The following ACYP2 variants were observed in gnomAD, a reference collection of about 807,000 sequenced individuals.
The protein encoded by ACYP2 is acylphosphatase-2.
Under a neutral mutation model 11.2 loss-of-function variants are expected in ACYP2, and 12 were observed. The ratio of observed to expected loss-of-function variants is 1.08; its 90% CI spans 0.69 to 1.74. ACYP2 has a LOEUF of 1.74. Ranked by LOEUF, ACYP2 falls within the 40% of genes most tolerant of loss-of-function variation. ACYP2 has a pLI of 0.00. For synonymous variants in ACYP2, 43 were observed against 32.2 expected, an observed-to-expected ratio of 1.33 and a Z score of -1.13; for missense variants, 134 against 101.9, an observed-to-expected ratio of 1.31 and a Z score of -1.35.
intron 6 of ACYP2, among the ~76,000 whole-genome samples, chr2:54,201,244 C>T (rs1319719355): frequency 2.8e-4 from 43 of 152,046 alleles, no homozygotes; most frequent in South Asian, 1.5e-3. Flanking sequence ...TAGCAGGGAC[C>T]ATAGGCGCCC....
chr2:54,266,690 C>T (rs1688043249), intron 6 of ACYP2, among the ~76,000 whole-genome samples: 1 of 147,004 alleles, frequency 6.8e-6, no homozygotes, highest in Non-Finnish European at 1.5e-5. Flanking sequence ...ACTGCAAGCT[C>T]CGCCGTCCGG....
At chr2:54,238,525 G>A (rs936594893) in intron 6 of ACYP2, among the ~76,000 whole-genome samples, 4 of 152,026 alleles carry the variant, frequency 2.6e-5, no homozygotes, top group African/African-American at 4.8e-5. Context: ...TTAATCTTTC[G>A]AATGTAAAGA....
intron 6 of ACYP2, among the ~76,000 whole-genome samples, chr2:54,158,065 G>A (rs897951704): frequency 4.0e-5 from 6 of 151,604 alleles, no homozygotes; most frequent in Admixed American, 3.3e-4. Flanking sequence ...TCACTCCAGC[G>A]CCCAGGCTGG....
chr2:54,187,652 A>G (rs956300867), intron 6 of ACYP2, among the ~76,000 whole-genome samples: 2 of 152,174 alleles, frequency 1.3e-5, no homozygotes, highest in Non-Finnish European at 2.9e-5. Flanking sequence ...GCAGCACTGC[A>G]TGGTGCCTGG....
chr2:54,048,655 C>A (rs1675659333), intron 2 of ACYP2, among the ~76,000 whole-genome samples: 1 of 152,190 alleles, frequency 6.6e-6, no homozygotes. Flanking sequence ...CACATGCCAC[C>A]ATGACCTACA....
At chr2:54,271,091 C>A (rs2104080617) in intron 6 of ACYP2, among the ~76,000 whole-genome samples, 1 of 152,304 alleles carries the variant, frequency 6.6e-6, no homozygotes, top group East Asian at 1.9e-4. Flanking sequence ...TTGCTCATTC[C>A]AGGGCATAGG....
intron 5 of ACYP2, among the ~76,000 whole-genome samples, chr2:54,137,812 C>T (rs906779210): frequency 7.9e-5 from 12 of 152,030 alleles, no homozygotes; most frequent in African/African-American, 2.7e-4. Context: ...ATGGAATTGC[C>T]GGGTCACATT....
At chr2:54,275,191 CTTTA>C (rs969571477) in intron 6 of ACYP2, among the ~76,000 whole-genome samples, 4 of 152,178 alleles carry the variant, frequency 2.6e-5, no homozygotes, top group African/African-American at 9.7e-5. Context: ...GGCTGCTTTT[CTTTA>C]TTTATTCAAG....
intron 2 of ACYP2, among the ~76,000 whole-genome samples, chr2:53,976,811 G>A (rs555316923): frequency 1.1e-4 from 17 of 152,216 alleles, no homozygotes; most frequent in Admixed American, 3.3e-4. Flanking sequence ...CACAGCTAAA[G>A]GAATGAATTT....
At chr2:54,062,376 A>G (rs950298027) in intron 4 of ACYP2, among the ~76,000 whole-genome samples, 1 of 152,224 alleles carries the variant, frequency 6.6e-6, no homozygotes, top group Admixed American at 6.5e-5. Context: ...GACCTCACAT[A>G]CCAGCCATCT....
In ACYP2 at chr2:53,971,266, C is replaced by T. The variant is rs189235511; in HGVS notation, c.-92C>T. The T allele has an allele frequency of 0.014, 2,112 of 153,752 alleles. 57 individuals carry two copies. The highest frequency in any genetic ancestry group is 0.048 in the African/African-American group (2,010 of 41,632). 9.5% of individuals were successfully genotyped at this position (153,752 alleles called of 1,614,324 possible). A position where few individuals can be genotyped will look rare whatever the true frequency, so the allele number is the denominator to read the frequency against. On this transcript the variant is annotated 5_prime_UTR_variant, in exon 1 of 7. Coordinates refer to ENST00000607452, the MANE Select transcript of ACYP2 (RefSeq NM_001320586.2). ...TATTGTCCTGCTTCGCCGGGGGTCG[C>T]GCACTCCAAGCGGCAGCCCACTGGA...
At chr2:54,277,609 C>T (rs973086594) in intron 6 of ACYP2, among the ~76,000 whole-genome samples, 7 of 151,916 alleles carry the variant, frequency 4.6e-5, no homozygotes, top group Admixed American at 1.3e-4. Flanking sequence ...ACTTGGGAGG[C>T]GGAGGTTGCA....
intron 4 of ACYP2, among the ~76,000 whole-genome samples, chr2:54,073,384 A>G (rs34773403): frequency 0.25 from 38,134 of 151,892 alleles, 5,426 homozygotes; most frequent in South Asian, 0.47. Flanking sequence ...AATTAACTCA[A>G]AATGGATCAA....
chr2:54,241,890 A>G (rs1164029911), intron 6 of ACYP2, among the ~76,000 whole-genome samples: 2 of 152,002 alleles, frequency 1.3e-5, no homozygotes, highest in East Asian at 1.9e-4. Context: ...GCAGGCACCT[A>G]TAATCCCATC....
At chr2:54,082,648 C>T (rs1261896389) in intron 4 of ACYP2, 2 of 152,192 alleles carry the variant, frequency 1.3e-5, no homozygotes, top group Non-Finnish European at 2.9e-5. Flanking sequence ...TTTCACATGT[C>T]TTTAAGCTTA....
At chr2:54,211,603 TTTTTA>T (rs1685332986) in intron 6 of ACYP2, among the ~76,000 whole-genome samples, 1 of 152,216 alleles carries the variant, frequency 6.6e-6, no homozygotes, top group Admixed American at 6.5e-5. Context: ...GAGCATATAA[TTTTTA>T]TTTTATTTTA....
At chr2:54,051,066 C>CTGTTGGGATTAAAGGAA in intron 3 of ACYP2, 1 of 511,536 alleles carries the variant, frequency 2.0e-6, no homozygotes. Context: ...AACCACCGTC[C>CTGTTGGGATTAAAGGAA]TTGGTCACAA....
intron 5 of ACYP2, among the ~76,000 whole-genome samples, chr2:54,136,957 C>G (rs1681281792): frequency 6.6e-6 from 1 of 151,738 alleles, no homozygotes; most frequent in African/African-American, 2.4e-5. Context: ...GCCTGGACGA[C>G]AAGAGTGAAA....
At chr2:54,265,683 A>G (rs891840764) in intron 6 of ACYP2, among the ~76,000 whole-genome samples, 12 of 152,244 alleles carry the variant, frequency 7.9e-5, no homozygotes, top group Admixed American at 7.9e-4. Flanking sequence ...GATTAATTAA[A>G]TAAGTTGAAA....
Sources: gnomAD v4.1 joint callset for allele counts (sites outside exome capture counted in the v4.1 genomes callset) on GRCh38, gnomAD v4.1.1 for gene constraint, MANE v1.5 for transcripts, NCBI Gene and HGNC (gene_info 2026-07-23, HGNC 2026-07-21) for gene names.